The following ZC2HC1B variants were observed in gnomAD, a reference collection of about 807,000 sequenced individuals.
The protein encoded by ZC2HC1B is zinc finger C2HC domain-containing protein 1B.
Under a neutral mutation model 31.0 loss-of-function variants are expected in ZC2HC1B, and 36 were observed. The ratio of observed to expected loss-of-function variants is 1.16; its 90% CI spans 0.89 to 1.54. ZC2HC1B has a LOEUF of 1.54. Ranked by LOEUF, ZC2HC1B falls within the 40% of genes most tolerant of loss-of-function variation. The probability of loss-of-function intolerance (pLI) is 0.00; values close to 1 mark genes in which losing one functional copy is unlikely to be tolerated. For missense variants in ZC2HC1B, 260 were observed against 268.6 expected (o/e 0.97, Z 0.22); for synonymous variants, 73 against 88.0 (o/e 0.83, Z 0.95).
Position 143,903,203 on chromosome 6 carries a change from T to C in ZC2HC1B, c.598+51T>C, listed in dbSNP as rs986423452. 5.4e-6 allele frequency: 8 copies of C among 1,493,142 alleles called. 1 individual carries two copies. In the South Asian group the frequency reaches 8.5e-5, roughly 16 times the overall value. 92.5% of individuals were successfully genotyped at this position (1,493,142 alleles called of 1,614,324 possible). A position where few individuals can be genotyped will look rare whatever the true frequency, so the allele number is the denominator to read the frequency against. ...CTCAAATGATGGGGGTCAGAGGAGA[T>C]CACTGTTGGGTTTGGGATTCACTGG... On this transcript the variant is annotated intron_variant, in intron 6 of 7. Transcript: ENST00000237275. This position sits in a 1 kb window ranked among gnomAD's most constrained non-coding sequence, Gnocchi z 4.3.
rs1582956807 is a variant in ZC2HC1B at position 143,886,577 on chromosome 6, A to G, written c.211-106A>G. 4.3e-6 allele frequency: 5 copies of G among 1,165,792 alleles called. No homozygotes were observed. The highest frequency in any genetic ancestry group is 6.2e-5 in the East Asian group (2 of 32,268). The allele number at this position is 1,165,792 out of a possible 1,614,324, so 72.2% of individuals were successfully genotyped here. A position where few individuals can be genotyped will look rare whatever the true frequency, so the allele number is the denominator to read the frequency against. ...GAAAAACAAACTCTCCTTTTCCCCA[A>G]TTTTCACAGTTCTGTTTCCTGTGAA... On this transcript the variant is annotated intron_variant, in intron 3 of 7. Coordinates refer to ENST00000237275, the MANE Select transcript of ZC2HC1B (RefSeq NM_001013623.3). This position sits in a 1 kb window ranked among gnomAD's most constrained non-coding sequence, Gnocchi z 4.2.
intron 4 of ZC2HC1B, among the ~76,000 whole-genome samples, chr6:143,892,822 T>A (rs1777617015): frequency 6.6e-6 from 1 of 152,080 alleles, no homozygotes; most frequent in African/African-American, 2.4e-5. Flanking sequence ...TCAAAAAGGA[T>A]CATTGACCTA....
rs1264935260 is a variant in ZC2HC1B at position 143,871,535 on chromosome 6, T to C, written c.28+6968T>C. 6.6e-6 allele frequency among the ~76,000 whole-genome samples: 1 copy of C among 152,218 alleles called. No individual in the cohort carries two copies. Among genetic ancestry groups the C allele is most frequent in the African/African-American group, 2.4e-5 (1 of 41,450 alleles). ...ACCACATCTGGTACAGCAGCTGCAG[T>C]TGGAGTCATCACTTGGTTAAGCTTA... On this transcript the variant is annotated intron_variant, in intron 1 of 7. Transcript: ENST00000237275. This position sits in a 1 kb window ranked among gnomAD's most constrained non-coding sequence, Gnocchi z 4.1.
In ZC2HC1B at chr6:143,926,338, C is replaced by G. The variant is rs879445257; in HGVS notation, c.599-11311C>G. 3.3e-5 allele frequency among the ~76,000 whole-genome samples: 5 copies of G among 152,302 alleles called. 1 individual carries two copies. In the Middle Eastern group the frequency reaches 0.01, roughly 311 times the overall value. On this transcript the variant is annotated intron_variant, in intron 6 of 7. Transcript: ENST00000237275. Reference sequence around the variant, plus strand: ...GTTGTGTTTCCATTCTCATTTGTCTCAAGACGTTTATTTCCTTCTGTCTTC... The same window carrying G: ...GTTGTGTTTCCATTCTCATTTGTCTGAAGACGTTTATTTCCTTCTGTCTTC...
At chr6:143,907,567 A>T (rs915037733) in intron 6 of ZC2HC1B, among the ~76,000 whole-genome samples, 1 of 152,170 alleles carries the variant, frequency 6.6e-6, no homozygotes, top group Admixed American at 6.5e-5. Context: ...TGTTGGCTGC[A>T]TGTATGTCTT....
intron 1 of ZC2HC1B, among the ~76,000 whole-genome samples, chr6:143,867,178 T>C (rs922425802): frequency 2.0e-5 from 3 of 152,224 alleles, no homozygotes; most frequent in Admixed American, 6.5e-5. Context: ...AAAAAAAATC[T>C]GAAACACTTC....
At position 143,885,212 on chromosome 6, in the gene ZC2HC1B, A is replaced by G. The variant is rs1217066857; in HGVS notation, c.91-820A>G. On this transcript the variant is annotated intron_variant, in intron 2 of 7. Coordinates refer to ENST00000237275, the MANE Select transcript of ZC2HC1B (RefSeq NM_001013623.3). The surrounding 1 kb of genome is among the most constrained non-coding windows in gnomAD (Gnocchi z 4.2). ...TTTTATTTTTCTGGAGAATTTAAAA[A>G]ATGAAATAGCTGTCTTTTAGTTAAC... 6.6e-6 allele frequency among the ~76,000 whole-genome samples: 1 copy of G among 152,208 alleles called. No individual in the cohort carries two copies. The highest frequency in any genetic ancestry group is 1.5e-5 in the Non-Finnish European group (1 of 68,044).
At chr6:143,920,418 G>T (rs1046230116) in intron 6 of ZC2HC1B, among the ~76,000 whole-genome samples, 2 of 152,228 alleles carry the variant, frequency 1.3e-5, no homozygotes, top group South Asian at 4.1e-4. Flanking sequence ...AAGAGAAAAG[G>T]TCCCAAATTA....
In ZC2HC1B at chr6:143,895,159, TTTG is replaced by T. The variant is rs375340919; in HGVS notation, c.350-3378_350-3376del. Among the ~76,000 whole-genome samples the T allele has an allele frequency of 4.3e-4, 66 of 152,078 alleles. No homozygotes were observed. Among genetic ancestry groups the T allele is most frequent in the African/African-American group, 1.5e-3 (64 of 41,400 alleles). On this transcript the variant is annotated intron_variant, in intron 4 of 7. Coordinates refer to ENST00000237275, the MANE Select transcript of ZC2HC1B (RefSeq NM_001013623.3). The surrounding 1 kb of genome is among the most constrained non-coding windows in gnomAD (Gnocchi z 4.8). ...TAAGTTCTAGAGAATTTATTTGTTT[TTTG>T]TTGTTGTTGTTGTTTTTGAGACAGA...
At chr6:143,901,130 C>T (rs768149059) in intron 5 of ZC2HC1B, among the ~76,000 whole-genome samples, 81 of 150,938 alleles carry the variant, frequency 5.4e-4, no homozygotes, top group Admixed American at 1.3e-3. Context: ...TGAGCCACCA[C>T]ACGCGGCCTA....
chr6:143,934,306 G>A lies in ZC2HC1B; in HGVS notation c.599-3343G>A, dbSNP rs968129288. Among the ~76,000 whole-genome samples, 1 of 152,138 alleles carries A rather than the reference G, an allele frequency of 6.6e-6. No individual in the cohort carries two copies. The highest frequency in any genetic ancestry group is 1.5e-5 in the Non-Finnish European group (1 of 68,030). On this transcript the variant is annotated intron_variant, in intron 6 of 7. Transcript: ENST00000237275. The surrounding 1 kb of genome is among the most constrained non-coding windows in gnomAD (Gnocchi z 4.6). ...TCCTGCAGTTGTTCCTGGAGCAAAC[G>A]ACCACAGAGTGAGTGTCCACACGCT... is the stretch of plus-strand genomic sequence containing the variant.
rs919475030 is a variant in ZC2HC1B at position 143,883,539 on chromosome 6, T to C, written c.29-765T>C. ...AGTCTATGCTCAGACCTCAAACTGC[T>C]TTTTTTATTAACCTAAGACATCATA... On this transcript the variant is annotated intron_variant, in intron 1 of 7. Transcript: ENST00000237275. This position sits in a 1 kb window ranked among gnomAD's most constrained non-coding sequence, Gnocchi z 4.1. Among the ~76,000 whole-genome samples the C allele has an allele frequency of 3.6e-5, 5 of 140,480 alleles. No homozygotes were observed. Among genetic ancestry groups the C allele is most frequent in the African/African-American group, 9.2e-5 (3 of 32,538 alleles). The allele number at this position is 140,480 out of a possible 152,430, so 92.2% of individuals were successfully genotyped here.
At chr6:143,873,838 G>T (rs1777375001) in intron 1 of ZC2HC1B, among the ~76,000 whole-genome samples, 1 of 152,232 alleles carries the variant, frequency 6.6e-6, no homozygotes, top group African/African-American at 2.4e-5. Context: ...GCGTTCGATG[G>T]GAGGGGCTGC....
chr6:143,868,522 G>A lies in ZC2HC1B; in HGVS notation c.28+3955G>A, dbSNP rs1777298476. 6.6e-6 allele frequency among the ~76,000 whole-genome samples: 1 copy of A among 151,946 alleles called. No homozygotes were observed. The highest frequency in any genetic ancestry group is 6.6e-5 in the Admixed American group (1 of 15,254). On this transcript the variant is annotated intron_variant, in intron 1 of 7. Transcript: ENST00000237275. The surrounding 1 kb of genome is among the most constrained non-coding windows in gnomAD (Gnocchi z 4.2). ...CTGCGCTGGCAGGTGACTAGGTGGT[G>A]CCCACCCAGATTAAGGATGAGTCTG...
intron 4 of ZC2HC1B, among the ~76,000 whole-genome samples, chr6:143,892,026 T>C (rs1240079894): frequency 1.3e-5 from 2 of 152,222 alleles, no homozygotes; most frequent in African/African-American, 4.8e-5. Flanking sequence ...GATATCCATA[T>C]GGAAAAATGA....
At position 143,923,670 on chromosome 6, in the gene ZC2HC1B, A is replaced by C; in HGVS notation, c.599-13979A>C. Among the ~76,000 whole-genome samples, 1 of 152,010 alleles carries C rather than the reference A, an allele frequency of 6.6e-6. No individual in the cohort carries two copies. Among genetic ancestry groups the C allele is most frequent in the Non-Finnish European group, 1.5e-5 (1 of 67,962 alleles). On this transcript the variant is annotated intron_variant, in intron 6 of 7. Transcript: ENST00000237275. This position sits in a 1 kb window ranked among gnomAD's most constrained non-coding sequence, Gnocchi z 4.8. The stretch of plus-strand genomic sequence containing the variant: ...TCTAGTTTCATTTTTCTGTACTTGG[A>C]TATCCAGTTTTCCCTGTACCATTAT...
intron 6 of ZC2HC1B, among the ~76,000 whole-genome samples, chr6:143,930,623 T>C (rs1038807258): frequency 1.3e-5 from 2 of 152,112 alleles, no homozygotes; most frequent in Non-Finnish European, 2.9e-5. Flanking sequence ...GTGATCTGCC[T>C]GCCTCGGCCT....
In ZC2HC1B at chr6:143,923,807, G is replaced by A. The variant is rs559002076; in HGVS notation, c.599-13842G>A. 8.2e-4 allele frequency among the ~76,000 whole-genome samples: 124 copies of A among 152,046 alleles called. 4 individuals are homozygous for A. The South Asian group carries it at 0.024, about 30-fold the overall frequency. On this transcript the variant is annotated intron_variant, in intron 6 of 7. Coordinates refer to ENST00000237275, the MANE Select transcript of ZC2HC1B (RefSeq NM_001013623.3). The surrounding 1 kb of genome is among the most constrained non-coding windows in gnomAD (Gnocchi z 4.8). ...TGTCTATTCTGTTTCATTGGTTTAT[G>A]TGTCTGTTTTTATACCAATATCTTG...
At chr6:143,927,338 A>G (rs1270352949) in intron 6 of ZC2HC1B, among the ~76,000 whole-genome samples, 4 of 152,068 alleles carry the variant, frequency 2.6e-5, no homozygotes, top group Non-Finnish European at 5.9e-5. Flanking sequence ...AATACCTGTT[A>G]TTCCAATCTG....
Sources: gnomAD v4.1 joint callset for allele counts (sites outside exome capture counted in the v4.1 genomes callset) on GRCh38, gnomAD v4.1.1 for gene constraint, Gnocchi (gnomAD v3.1) non-coding constraint, MANE v1.5 for transcripts, NCBI Gene and HGNC (gene_info 2026-07-23, HGNC 2026-07-21) for gene names.